CPSF4L: variants seen among roughly 807,000 people sequenced by gnomAD.
The protein encoded by CPSF4L is putative cleavage and polyadenylation specificity factor subunit 4-like protein.
A neutral mutation model predicts 24.0 loss-of-function variants in CPSF4L; 18 were observed. That is an observed-to-expected ratio of 0.75 (90% CI 0.52 to 1.11). The LOEUF is 1.11. CPSF4L is among the 50% of genes least tolerant of loss of function. CPSF4L has a pLI of 0.00. For missense variants in CPSF4L, 211 were observed against 221.8 expected (o/e 0.95, Z 0.31); for synonymous variants, 72 against 77.2 (o/e 0.93, Z 0.35).
chr17:73,246,552 C>A (rs2061953177), downstream of CPSF4L, among the ~76,000 whole-genome samples: 1 of 152,070 alleles, frequency 6.6e-6, no homozygotes, highest in South Asian at 2.1e-4. Context: ...TCCCAAAAAA[C>A]CTACAGGAAA....
downstream of CPSF4L, among the ~76,000 whole-genome samples, chr17:73,246,868 C>T (rs577229280): frequency 8.9e-4 from 136 of 152,274 alleles, no homozygotes; most frequent in African/African-American, 3.2e-3. Context: ...GCCGAAAGAG[C>T]TTTGTGCCCA....
chr17:73,253,659 C>T (rs1395868245), intron 4 of CPSF4L, among the ~76,000 whole-genome samples: 1 of 152,238 alleles, frequency 6.6e-6, no homozygotes, highest in East Asian at 1.9e-4. Flanking sequence ...TCAAGAGCTT[C>T]CTGTGTGGTT....
Position 73,253,947 on chromosome 17 carries a change from T to C in CPSF4L, c.387A>G (p.Gln129=), listed in dbSNP as rs772041573. ...AGGCCTCACCGTCCTTGCAGAAACC[T>C]TGGTCATACCAAGGACAGTCCTGGG... is the stretch of plus-strand genomic sequence containing the variant. The part of the protein sequence containing the change: ...FKSQDCPWYD[Q]GFCKDGPLCK... The change falls in exon 4 of 6, where the codon CAA becomes CAG. Residue 129 remains glutamine, a synonymous_variant. Coordinates refer to ENST00000344935, the MANE Select transcript of CPSF4L (RefSeq NM_001129885.1). 6 of 1,551,450 alleles carry C rather than the reference T, an allele frequency of 3.9e-6. No individual in the cohort carries two copies. The South Asian group carries it at 5.9e-5, about 15-fold the overall frequency.
chr17:73,261,441 C>G (rs2062045013), intron 1 of CPSF4L, among the ~76,000 whole-genome samples: 1 of 152,058 alleles, frequency 6.6e-6, no homozygotes, highest in African/African-American at 2.4e-5. Flanking sequence ...GCGGGCGGAT[C>G]ACGAGGTCAG....
chr17:73,250,066 G>C (rs1251331203), intron 5 of CPSF4L: 2 of 520,816 alleles, frequency 3.8e-6, no homozygotes, highest in African/African-American at 3.9e-5. Flanking sequence ...CAAACCTGTT[G>C]TATTTTTAGT....
chr17:73,249,924 C>T (rs943819180), intron 5 of CPSF4L: 54 of 227,024 alleles, frequency 2.4e-4, no homozygotes, highest in Non-Finnish European at 2.6e-4. Context: ...GGAGCTGCCA[C>T]GTGCAACCCA....
chr17:73,252,527 C>G (rs2062009641), intron 5 of CPSF4L, 103 bp downstream of exon 5: 1 of 757,440 alleles, frequency 1.3e-6, no homozygotes, highest in African/African-American at 1.7e-5. Context: ...TTGCCAGATG[C>G]TTCATTTTCC....
At chr17:73,251,218 A>G (rs904371537) in intron 5 of CPSF4L, 4 of 1,237,860 alleles carry the variant, frequency 3.2e-6, no homozygotes, top group African/African-American at 1.5e-5. Context: ...ACCAGGGTTC[A>G]AGATGCCTTT....
At chr17:73,257,594 C>T (rs918638527) in intron 3 of CPSF4L, 87 bp downstream of exon 3, 32 of 1,386,638 alleles carry the variant, frequency 2.3e-5, no homozygotes, top group Non-Finnish European at 2.8e-5. Flanking sequence ...GCCTCCTCTG[C>T]GTGCCCGCTC....
At chr17:73,243,095 T>TTTTTTTTTG in the CPSF4L span, 3 of 936,784 alleles carry the variant, frequency 3.2e-6, no homozygotes, top group Admixed American at 2.3e-5. Context: ...TTTTTTTTTT[T>TTTTTTTTTG]TTTTTTACAG....
rs191926343 is a variant in CPSF4L, at chr17:73,257,223, C to A, written c.307+458G>T. On this transcript the variant is annotated intron_variant, in intron 3 of 5. Transcript: ENST00000344935. Reference sequence around the variant, plus strand: ...CGTTTATGGAAACAATGCAAAGTTTCTTCTAAAGTAAGAGTTAAAATAGCA... The same window carrying A: ...CGTTTATGGAAACAATGCAAAGTTTATTCTAAAGTAAGAGTTAAAATAGCA... 1.8e-3 allele frequency among the ~76,000 whole-genome samples: 271 copies of A among 152,222 alleles called. 1 individual carries two copies. Among genetic ancestry groups the A allele is most frequent in the African/African-American group, 6.3e-3 (260 of 41,538 alleles).
At chr17:73,263,404 T>C (rs1328066776), upstream of CPSF4L, among the ~76,000 whole-genome samples, 3 of 152,078 alleles carry the variant, frequency 2.0e-5, no homozygotes, top group African/African-American at 7.2e-5. Context: ...ACATTAGCCA[T>C]TCACACAATA....
intron 5 of CPSF4L, chr17:73,251,039 T>TG: frequency 6.5e-7 from 1 of 1,549,926 alleles, no homozygotes; most frequent in Non-Finnish European, 8.7e-7. Flanking sequence ...CTGTTGGGGA[T>TG]GGGGGTTTCC....
At chr17:73,242,372 T>C in the CPSF4L span, 6 of 1,483,000 alleles carry the variant, frequency 4.0e-6, no homozygotes, top group Non-Finnish European at 5.5e-6. Flanking sequence ...AGTTTGACTG[T>C]TGTCTTCTGT....
At chr17:73,244,069 A>T (rs1454720535), downstream of CPSF4L, among the ~76,000 whole-genome samples, 1 of 152,230 alleles carries the variant, frequency 6.6e-6, no homozygotes, top group Non-Finnish European at 1.5e-5. Context: ...ACAAAGTGCC[A>T]TTCTCCAAGT....
chr17:73,247,605 A>T, downstream of CPSF4L: 1 of 394,160 alleles, frequency 2.5e-6, no homozygotes, highest in South Asian at 2.9e-5. Flanking sequence ...AAGTTATTTA[A>T]TGAGAATAGA....
At chr17:73,261,070 C>T in intron 1 of CPSF4L, 87 bp from the exon 2 acceptor site, 2 of 1,068,258 alleles carry the variant, frequency 1.9e-6, no homozygotes, top group Non-Finnish European at 1.4e-6. Flanking sequence ...GCATGTCCCA[C>T]CTAGACCTCC....
At chr17:73,253,900 C>T in intron 4 of CPSF4L, 31 bp downstream of exon 4, 11 of 1,478,654 alleles carry the variant, frequency 7.4e-6, no homozygotes, top group Non-Finnish European at 1.0e-5. Flanking sequence ...TCCCCACAGC[C>T]CCTAGGGCTC....
At chr17:73,261,533 C>T (rs7217526) in intron 1 of CPSF4L, among the ~76,000 whole-genome samples, 183 bp downstream of exon 1, 50,617 of 151,850 alleles carry the variant, frequency 0.33, 9,167 homozygotes, top group Non-Finnish European at 0.42. Context: ...TGGTGGCGGG[C>T]GCCTGTAGTC....
Sources: allele counts gnomAD v4.1 joint callset (sites outside exome capture counted in the v4.1 genomes callset), GRCh38; gene constraint gnomAD v4.1.1; transcripts MANE v1.5; gene names NCBI Gene and HGNC (gene_info 2026-07-23, HGNC 2026-07-21).